COL4A4: variants seen among roughly 807,000 people sequenced by gnomAD.
COL4A4 encodes collagen type IV alpha 4 chain, also known as collagen alpha-4(IV) chain.
Under a neutral mutation model 192.9 loss-of-function variants are expected in COL4A4, and 105 were observed. The observed-to-expected ratio is 0.54, with a 90% CI of 0.46 to 0.64. The LOEUF (loss-of-function observed/expected upper bound fraction) is 0.64. Among genes scored for constraint, COL4A4 ranks in the 30% least tolerant of loss-of-function variants. The pLI is 0.00. For synonymous variants in COL4A4, 762 were observed against 769.9 expected (o/e 0.99, Z 0.17); for missense variants, 1,967 against 2,169.3 (o/e 0.91, Z 1.85).
intron 43 of COL4A4, among the ~76,000 whole-genome samples, chr2:227,025,171 G>A (rs918773741): frequency 6.6e-6 from 1 of 152,126 alleles, no homozygotes; most frequent in Non-Finnish European, 1.5e-5. Context: ...ATTTTCATTA[G>A]GACTAATAAC....
In COL4A4 at chr2:227,068,942, C is replaced by T. The variant is rs1208491310; in HGVS notation, c.1988-6344G>A. ...AAGTCAAATTGTCCCTGTTTGCAGA[C>T]GACATGATTGTATATCTAGAAAACC... On this transcript the variant is annotated intron_variant, in intron 25 of 47. Transcript: ENST00000396625. Among the ~76,000 whole-genome samples the T allele has an allele frequency of 8.7e-3, 1,293 of 148,262 alleles. 3 individuals are homozygous for T. The highest frequency in any genetic ancestry group is 0.011 in the African/African-American group (450 of 39,918).
At chr2:227,061,659 G>A (rs994689717) in intron 26 of COL4A4, among the ~76,000 whole-genome samples, 1 of 152,176 alleles carries the variant, frequency 6.6e-6, no homozygotes, top group African/African-American at 2.4e-5. Context: ...GAGAGTAACA[G>A]TCAGTCATTA....
chr2:227,082,307 C>A, intron 22 of COL4A4, 120 bp from the exon 23 acceptor site: 1 of 947,656 alleles, frequency 1.1e-6, no homozygotes. Context: ...TCTAGCTTGG[C>A]ATTCTTGGTC....
chr2:227,009,517 G>A (rs142449543), intron 46 of COL4A4, among the ~76,000 whole-genome samples: 142 of 152,126 alleles, frequency 9.3e-4, no homozygotes, highest in African/African-American at 3.3e-3. Flanking sequence ...CTACCTGGCC[G>A]CAAGACCCCA....
rs775698697 is a variant in COL4A4 at position 227,042,192 on chromosome 2, C to T, written c.3461G>A (p.Gly1154Asp). 7.4e-6 allele frequency: 12 copies of T among 1,613,462 alleles called. No individual in the cohort carries two copies. The African/African-American group carries it at 1.6e-4, about 22-fold the overall frequency. Residue 1154 changes from glycine (G) to aspartate (D), a missense_variant, in exon 37 of 48, where the codon GGC becomes GAC. Transcript: ENST00000396625. Reference sequence around the variant, plus strand: ...TGGTATCCCTGGATCCCCCTGGAGGCCTCTTGGCCCAGGGTCTCCCATTTC... The same window carrying T: ...TGGTATCCCTGGATCCCCCTGGAGGTCTCTTGGCCCAGGGTCTCCCATTTC... ...PGEMGDPGPR[G>D]LQGDPGIPGP...
intron 43 of COL4A4, among the ~76,000 whole-genome samples, chr2:227,023,169 G>A (rs1259911425): frequency 6.6e-6 from 1 of 151,944 alleles, no homozygotes; most frequent in African/African-American, 2.4e-5. Flanking sequence ...GGCTGGGCAC[G>A]GTGGCTCACA....
downstream of COL4A4, among the ~76,000 whole-genome samples, chr2:227,001,976 G>A (rs764942474): frequency 1.3e-5 from 2 of 151,844 alleles, no homozygotes; most frequent in African/African-American, 4.8e-5. Context: ...AGTTTAAGAC[G>A]AGCCTGGGCA....
intron 18 of COL4A4, 73 bp from the exon 19 acceptor site, chr2:227,098,871 T>C (rs985643103): frequency 1.6e-6 from 2 of 1,230,260 alleles, no homozygotes; most frequent in East Asian, 2.4e-5. Flanking sequence ...CAATTACTTT[T>C]TGTGAGACTC....
intron 26 of COL4A4, among the ~76,000 whole-genome samples, chr2:227,061,486 C>A (rs1324891799): frequency 3.3e-5 from 5 of 152,192 alleles, no homozygotes; most frequent in Non-Finnish European, 7.3e-5. Flanking sequence ...ATGTTGCAAC[C>A]CCAAACCTAA....
Position 227,104,254 on chromosome 2 carries a change from A to T in COL4A4, c.736-202T>A, listed in dbSNP as rs575580871. 1.5e-4 allele frequency: 90 copies of T among 587,082 alleles called. No individual in the cohort carries two copies. The African/African-American group carries it at 1.6e-3, about 10-fold the overall frequency. The allele number at this position is 587,082 out of a possible 1,614,324, so 36.4% of individuals were successfully genotyped here. ...CACACTTATTGTTAAAAATAAATTT[A>T]AAAAATGAAAATGATTCTTAATGCT... On this transcript the variant is annotated intron_variant, in intron 12 of 47. Transcript: ENST00000396625.
intron 28 of COL4A4, 37 bp from the exon 29 acceptor site, chr2:227,057,637 A>G (rs1975793608): frequency 6.2e-7 from 1 of 1,607,264 alleles, no homozygotes; most frequent in Non-Finnish European, 8.5e-7. Context: ...ATTCATGACA[A>G]AAAACTATAC....
At chr2:227,132,048 C>A (rs1413758122) in intron 4 of COL4A4, among the ~76,000 whole-genome samples, 1 of 152,210 alleles carries the variant, frequency 6.6e-6, no homozygotes, top group Non-Finnish European at 1.5e-5. Context: ...TGTTACACAG[C>A]CATAGAAACT....
chr2:227,040,804 T>C (rs1970646308), intron 37 of COL4A4, among the ~76,000 whole-genome samples: 1 of 152,010 alleles, frequency 6.6e-6, no homozygotes, highest in Non-Finnish European at 1.5e-5. Flanking sequence ...CCTCAAGTGA[T>C]CCGCCCACGT....
In COL4A4 at chr2:227,142,482, G is replaced by A. The variant is rs28445846; in HGVS notation, c.114+2034C>T. Among the ~76,000 whole-genome samples, 1,328 of 152,164 alleles carry A rather than the reference G, an allele frequency of 8.7e-3. 23 individuals are homozygous for A. Among genetic ancestry groups the A allele is most frequent in the African/African-American group, 0.03 (1,240 of 41,500 alleles). On this transcript the variant is annotated intron_variant, in intron 3 of 47. Coordinates refer to ENST00000396625, the MANE Select transcript of COL4A4 (RefSeq NM_000092.5). The stretch of plus-strand genomic sequence containing the variant: ...ATAGAAAAGTTCAAAGGCTGGCTGC[G>A]GTGGCTCATTCCTGTAATCCCAGCA...
At position 227,146,285 on chromosome 2, in the gene COL4A4, T is replaced by C. The variant is rs1407416257; in HGVS notation, c.71+1128A>G. 9.2e-5 allele frequency among the ~76,000 whole-genome samples: 3 copies of C among 32,724 alleles called. No individual in the cohort carries two copies. In the African/African-American group the frequency reaches 1.8e-3, roughly 19 times the overall value. The allele number at this position is 32,724 out of a possible 152,430, so 21.5% of individuals were successfully genotyped here. A position where few individuals can be genotyped will look rare whatever the true frequency, so the allele number is the denominator to read the frequency against. On this transcript the variant is annotated intron_variant, in intron 2 of 47. Coordinates refer to ENST00000396625, the MANE Select transcript of COL4A4 (RefSeq NM_000092.5). ...GATATTAAAAAGTAAGATCATTCCT[T>C]TTTTTTTTTTCTTTAAAAAAAAATC...
Position 227,022,101 on chromosome 2 carries a change from C to T in COL4A4, c.4163G>A (p.Arg1388Lys), listed in dbSNP as rs1378236626. The T allele has an allele frequency of 1.2e-6, 2 of 1,614,068 alleles. No homozygotes were observed. Among genetic ancestry groups the T allele is most frequent in the Admixed American group, 1.7e-5 (1 of 60,008 alleles). The change falls in exon 44 of 48, where the codon AGA becomes AAA. Residue 1388 changes from arginine (R) to lysine (K), a missense_variant. By Grantham distance (26) the Arg-to-Lys change is conservative (BLOSUM62 2). Transcript: ENST00000396625. ...IPGLPGAPGM[R>K]GPEGAMGLPG... ...GAGCCCCATGGCTCCTTCTGGTCCT[C>T]TCATGCCTGGCGCCCCAGGAAGGCC...
At chr2:227,037,914 C>T (rs1033877866) in intron 37 of COL4A4, among the ~76,000 whole-genome samples, 7 of 152,244 alleles carry the variant, frequency 4.6e-5, no homozygotes, top group South Asian at 2.1e-4. Flanking sequence ...TTATATCCTT[C>T]GCCCACTTTT....
At chr2:227,059,746 A>G (rs1976421945) in intron 27 of COL4A4, 123 bp from the exon 28 acceptor site, 2 of 802,926 alleles carry the variant, frequency 2.5e-6, no homozygotes, top group African/African-American at 3.5e-5. Context: ...TAAAATTAAG[A>G]GCAGTTTAAC....
At chr2:227,150,135 T>C (rs1399965162) in intron 1 of COL4A4, among the ~76,000 whole-genome samples, 2 of 152,172 alleles carry the variant, frequency 1.3e-5, no homozygotes, top group Non-Finnish European at 2.9e-5. Context: ...TGGGATCTTT[T>C]GAATGTAAAT....
Sources: gnomAD v4.1 joint callset for allele counts (sites outside exome capture counted in the v4.1 genomes callset) on GRCh38, gnomAD v4.1.1 for gene constraint, MANE v1.5 for transcripts, NCBI Gene and HGNC (gene_info 2026-07-23, HGNC 2026-07-21) for gene names.